The following NELL1 variants were observed in gnomAD, a reference collection of about 807,000 sequenced individuals.
The protein encoded by NELL1 is neural EGFL like 1, also known as protein kinase C-binding protein NELL1.
NELL1 carries 76 observed loss-of-function variants against 107.4 expected under a neutral mutation model. The ratio of observed to expected loss-of-function variants is 0.71; its 90% CI spans 0.59 to 0.86. NELL1 has a LOEUF of 0.86. Ranked by LOEUF, NELL1 falls within the 40% of genes least tolerant of loss-of-function variation. The probability of loss-of-function intolerance (pLI) is 0.00; values close to 1 mark genes in which losing one functional copy is unlikely to be tolerated. For missense variants in NELL1, 1,024 were observed against 1,005.5 expected (o/e 1.02, Z -0.25); for synonymous variants, 353 against 341.2 (o/e 1.03, Z -0.38).
intron 2 of NELL1, among the ~76,000 whole-genome samples, chr11:20,757,793 C>T (rs1169363420): frequency 6.6e-6 from 1 of 152,136 alleles, no homozygotes; most frequent in Admixed American, 6.5e-5. Context: ...GAGCCATGTT[C>T]TCCTTTTTTT....
chr11:20,741,475 C>T (rs1855887978), intron 2 of NELL1, among the ~76,000 whole-genome samples: 1 of 152,098 alleles, frequency 6.6e-6, no homozygotes, highest in East Asian at 1.9e-4. Context: ...TCTCTGAAGC[C>T]TACAAGCATA....
intron 16 of NELL1, among the ~76,000 whole-genome samples, chr11:21,551,080 G>A (rs957264225): frequency 2.9e-4 from 44 of 151,244 alleles, no homozygotes; most frequent in Non-Finnish European, 5.5e-4. Context: ...TGGATTCCTA[G>A]GTATTTTATT....
At chr11:21,006,175 AG>A (rs1299692785) in intron 12 of NELL1, among the ~76,000 whole-genome samples, 2 of 152,046 alleles carry the variant, frequency 1.3e-5, no homozygotes, top group African/African-American at 2.4e-5. Context: ...ATGTGTTGAA[AG>A]CTTAATCCCC....
Position 20,841,383 on chromosome 11 carries a change from G to A in NELL1, c.336-6200G>A, listed in dbSNP as rs147229762. Among the ~76,000 whole-genome samples, 530 of 151,292 alleles carry A rather than the reference G, an allele frequency of 3.5e-3. 3 individuals carry two copies. The highest frequency in any genetic ancestry group is 0.012 in the African/African-American group (496 of 41,218). ...TCCCTCCTAGATTCAAGGGAACTGGGGAATATATTTTAGTATGTGCCCAGT... is the reference window on the plus strand; with the variant it reads ...TCCCTCCTAGATTCAAGGGAACTGGAGAATATATTTTAGTATGTGCCCAGT... On this transcript the variant is annotated intron_variant, in intron 3 of 19. Transcript: ENST00000357134.
At chr11:21,389,310 A>C (rs1298759282) in intron 15 of NELL1, among the ~76,000 whole-genome samples, 1 of 151,824 alleles carries the variant, frequency 6.6e-6, no homozygotes, top group Non-Finnish European at 1.5e-5. Context: ...TGGTTTTCTA[A>C]GTTATTAAAT....
intron 12 of NELL1, among the ~76,000 whole-genome samples, chr11:20,970,070 TCCATCCATCC>T (rs1851466386): frequency 6.6e-6 from 1 of 151,798 alleles, no homozygotes; most frequent in Non-Finnish European, 1.5e-5. Context: ...CATCCATCCA[TCCATCCATCC>T]ATCCATCCAT....
At chr11:20,720,169 C>T (rs979380912) in intron 2 of NELL1, among the ~76,000 whole-genome samples, 2 of 147,752 alleles carry the variant, frequency 1.4e-5, no homozygotes, top group Admixed American at 6.8e-5. Flanking sequence ...TATTTCCTTT[C>T]ATTTTCATTT....
intron 13 of NELL1, among the ~76,000 whole-genome samples, chr11:21,182,440 G>GAAAAAAAAAAA (rs201319322): frequency 1.8e-5 from 2 of 111,714 alleles, no homozygotes. Flanking sequence ...GTCTCAAAAA[G>GAAAAAAAAAAA]AAAAAAAAAA....
chr11:21,309,204 T>C (rs1849671873), intron 14 of NELL1, among the ~76,000 whole-genome samples: 1 of 147,772 alleles, frequency 6.8e-6, no homozygotes, highest in Non-Finnish European at 1.5e-5. Flanking sequence ...CTGGTTTTAT[T>C]ACTCTATGTA....
chr11:20,893,630 T>A (rs1009724522), intron 5 of NELL1, among the ~76,000 whole-genome samples: 8 of 151,452 alleles, frequency 5.3e-5, no homozygotes, highest in African/African-American at 1.9e-4. Context: ...AAAGGGGATT[T>A]TTTTTAAGCC....
chr11:21,068,050 A>AAAG (rs1405059928), intron 12 of NELL1, among the ~76,000 whole-genome samples: 2 of 150,384 alleles, frequency 1.3e-5, no homozygotes, highest in African/African-American at 4.9e-5. Flanking sequence ...AAAAAAAAAA[A>AAAG]AAAAAAAAAG....
intron 13 of NELL1, among the ~76,000 whole-genome samples, chr11:21,167,729 A>G (rs1354958800): frequency 6.6e-6 from 1 of 151,650 alleles, no homozygotes; most frequent in Non-Finnish European, 1.5e-5. Flanking sequence ...CCTTGGACAC[A>G]CTGAGCTCTT....
At chr11:20,702,851 G>A (rs906666804) in intron 2 of NELL1, among the ~76,000 whole-genome samples, 3 of 152,162 alleles carry the variant, frequency 2.0e-5, no homozygotes, top group Non-Finnish European at 4.4e-5. Context: ...GCATCCCAGG[G>A]ATGAAGCCCA....
At chr11:21,540,735 G>A (rs971345837) in intron 16 of NELL1, among the ~76,000 whole-genome samples, 1 of 152,008 alleles carries the variant, frequency 6.6e-6, no homozygotes, top group Non-Finnish European at 1.5e-5. Flanking sequence ...ACAGCCAGGG[G>A]AACATCTACT....
In NELL1 at chr11:21,290,398, GATAAATAA is replaced by G. The variant is rs367977438; in HGVS notation, c.1549+60972_1549+60979del. Among the ~76,000 whole-genome samples, 915 of 146,434 alleles carry G rather than the reference GATAAATAA, an allele frequency of 6.2e-3. 14 individuals are homozygous for G. The highest frequency in any genetic ancestry group is 0.015 in the East Asian group (72 of 4,960). ...AATAAATAAATAAATAAAATAAATA[GATAAATAA>G]ATAAATAAATAAATAAATAAATAAA... On this transcript the variant is annotated intron_variant, in intron 14 of 19. Transcript: ENST00000357134.
intron 2 of NELL1, among the ~76,000 whole-genome samples, chr11:20,730,722 G>A (rs1855619656): frequency 1.3e-5 from 2 of 152,132 alleles, no homozygotes; most frequent in South Asian, 2.1e-4. Flanking sequence ...CAAGGTTTGG[G>A]ATCATTTAAC....
intron 15 of NELL1, among the ~76,000 whole-genome samples, chr11:21,459,372 T>TAAAAAA (rs1853840886): frequency 4.3e-5 from 2 of 46,944 alleles, no homozygotes; most frequent in African/African-American, 1.6e-4. Context: ...AAAAAAAAAG[T>TAAAAAA]AGGATTTGAA....
chr11:20,703,700 T>G (rs1489782821), intron 2 of NELL1, among the ~76,000 whole-genome samples: 1 of 152,214 alleles, frequency 6.6e-6, no homozygotes, highest in African/African-American at 2.4e-5. Context: ...TCTGGTATGT[T>G]GTGTCTTTGT....
intron 14 of NELL1, among the ~76,000 whole-genome samples, chr11:21,282,047 A>G (rs1406882661): frequency 6.6e-6 from 1 of 152,232 alleles, no homozygotes; most frequent in Non-Finnish European, 1.5e-5. Context: ...AATAGTCCAC[A>G]AAGTGAAAGA....
Sources: gnomAD v4.1 joint callset for allele counts (sites outside exome capture counted in the v4.1 genomes callset) on GRCh38, gnomAD v4.1.1 for gene constraint, MANE v1.5 for transcripts, NCBI Gene and HGNC (gene_info 2026-07-23, HGNC 2026-07-21) for gene names.